The following HACE1 variants were observed in gnomAD, a reference collection of about 807,000 sequenced individuals.
The protein encoded by HACE1 is HECT domain and ankyrin repeat containing E3 ubiquitin protein ligase 1.
In HACE1, 73 loss-of-function variants were observed where a neutral mutation model predicts 118.4. That is an observed-to-expected ratio of 0.62 (90% CI 0.51 to 0.75). The LOEUF (loss-of-function observed/expected upper bound fraction) is 0.75. Among genes scored for constraint, HACE1 ranks in the 30% least tolerant of loss-of-function variants. The pLI, the probability that HACE1 is intolerant of heterozygous loss-of-function variation, is 0.00. For synonymous variants in HACE1, 368 were observed against 374.8 expected (o/e 0.98, Z 0.21); for missense variants, 749 against 1,102.2 (o/e 0.68, Z 4.54).
At chr6:104,801,082 A>G (rs1416371539) in intron 7 of HACE1, among the ~76,000 whole-genome samples, 2 of 152,202 alleles carry the variant, frequency 1.3e-5, no homozygotes. Flanking sequence ...ACAAGCTTCA[A>G]TAGCCGATTC....
At chr6:104,768,667 A>G (rs577125848) in intron 19 of HACE1, among the ~76,000 whole-genome samples, 13 of 152,274 alleles carry the variant, frequency 8.5e-5, no homozygotes, top group Admixed American at 2.0e-4. Flanking sequence ...AATGTATAAC[A>G]TTAATAATCA....
At chr6:104,775,250 C>T (rs1781105422) in intron 17 of HACE1, among the ~76,000 whole-genome samples, 1 of 151,976 alleles carries the variant, frequency 6.6e-6, no homozygotes, top group Non-Finnish European at 1.5e-5. Flanking sequence ...CTCAAGTGAT[C>T]CTCCCACCTC....
rs746644802 is a variant in HACE1 at position 104,776,735 on chromosome 6, A to G, written c.1864+6T>C. 2 of 1,544,556 alleles carry G rather than the reference A, an allele frequency of 1.3e-6. No homozygotes were observed. Among genetic ancestry groups the G allele is most frequent in the South Asian group, 2.2e-5 (2 of 89,722 alleles). The stretch of plus-strand genomic sequence containing the variant: ...CAGAAAAAGTCATCTAGACTGTACA[A>G]CTTACCATCAGCTGACTGGGTAAAC... On this transcript the variant is annotated splice_donor_region_variant and intron_variant, in intron 17 of 23. Transcript: ENST00000262903.
intron 10 of HACE1, among the ~76,000 whole-genome samples, chr6:104,792,468 T>A (rs559902633): frequency 1.3e-5 from 2 of 152,218 alleles, no homozygotes; most frequent in Non-Finnish European, 2.9e-5. Context: ...AATCTAATAA[T>A]ATATCTTTAA....
intron 5 of HACE1, among the ~76,000 whole-genome samples, chr6:104,834,058 C>T (rs1398419176): frequency 6.6e-6 from 1 of 152,028 alleles, no homozygotes; most frequent in East Asian, 1.9e-4. Flanking sequence ...GTGGGAGGAT[C>T]CCTTGAGCCC....
intron 16 of HACE1, 73 bp from the exon 17 acceptor site, chr6:104,776,901 A>G (rs1180320652): frequency 7.6e-7 from 1 of 1,319,518 alleles, no homozygotes; most frequent in African/African-American, 1.5e-5. Context: ...AAATAACAAA[A>G]TTTAAATATA....
At chr6:104,857,694 G>A (rs901360404) in intron 1 of HACE1, among the ~76,000 whole-genome samples, 41 of 150,932 alleles carry the variant, frequency 2.7e-4, no homozygotes, top group Admixed American at 1.6e-3. Flanking sequence ...GGTGGCTCAC[G>A]CCTGTAATCC....
At chr6:104,771,008 T>A (rs1780541490) in intron 19 of HACE1, among the ~76,000 whole-genome samples, 185 bp downstream of exon 19, 1 of 152,238 alleles carries the variant, frequency 6.6e-6, no homozygotes. Flanking sequence ...CTAGCACAAT[T>A]ATCAAAATAA....
chr6:104,771,832 C>A, intron 18 of HACE1, 93 bp downstream of exon 18: 1 of 860,018 alleles, frequency 1.2e-6, no homozygotes, highest in Non-Finnish European at 1.9e-6. Flanking sequence ...TAAAAATTAT[C>A]TCATCCAAAA....
At chr6:104,825,875 T>C (rs1773278960) in intron 6 of HACE1, among the ~76,000 whole-genome samples, 1 of 152,226 alleles carries the variant, frequency 6.6e-6, no homozygotes, top group South Asian at 2.1e-4. Context: ...CCTCCACCAG[T>C]TTCTTCCATC....
At chr6:104,826,543 T>C (rs1562459667) in intron 6 of HACE1, among the ~76,000 whole-genome samples, 1 of 152,318 alleles carries the variant, frequency 6.6e-6, no homozygotes, top group African/African-American at 2.4e-5. Flanking sequence ...AACCTAACAA[T>C]TGTGATTTAC....
At chr6:104,843,948 C>T (rs1775361381) in intron 4 of HACE1, among the ~76,000 whole-genome samples, 1 of 151,880 alleles carries the variant, frequency 6.6e-6, no homozygotes, top group African/African-American at 2.4e-5. Flanking sequence ...CATCTGCCTC[C>T]CGGGTTCAAG....
chr6:104,750,514 T>C (rs374654659), intron 19 of HACE1, 42 bp from the exon 20 acceptor site: 2 of 1,558,278 alleles, frequency 1.3e-6, no homozygotes, highest in African/African-American at 2.7e-5. Context: ...TCAAAAACCT[T>C]TTACATACTT....
intron 7 of HACE1, among the ~76,000 whole-genome samples, chr6:104,798,953 A>G (rs566312667): frequency 6.6e-6 from 1 of 152,198 alleles, no homozygotes; most frequent in South Asian, 2.1e-4. Context: ...CTTGTTCCAT[A>G]GCACCAAGCA....
intron 22 of HACE1, chr6:104,730,670 A>G (rs994575465): frequency 6.7e-6 from 3 of 447,216 alleles, no homozygotes; most frequent in Admixed American, 6.9e-5. Context: ...ATACCTCAAT[A>G]TTGCATTTAG....
chr6:104,749,365 C>CTTTTGAT (rs1777792953), intron 20 of HACE1, among the ~76,000 whole-genome samples: 2 of 152,030 alleles, frequency 1.3e-5, no homozygotes, highest in Non-Finnish European at 2.9e-5. Context: ...AACCTCAAAA[C>CTTTTGAT]TTACATTTAA....
intron 17 of HACE1, among the ~76,000 whole-genome samples, chr6:104,772,810 T>C (rs1780786655): frequency 6.6e-6 from 1 of 152,130 alleles, no homozygotes; most frequent in Non-Finnish European, 1.5e-5. Flanking sequence ...TAGGCAAATT[T>C]ATAGATAGGT....
intron 5 of HACE1, among the ~76,000 whole-genome samples, chr6:104,836,240 T>A (rs1229700450): frequency 6.6e-6 from 1 of 152,166 alleles, no homozygotes; most frequent in Non-Finnish European, 1.5e-5. Flanking sequence ...GAAGTCTCCG[T>A]AAGAGACTCC....
intron 22 of HACE1, 57 bp downstream of exon 22, chr6:104,744,103 C>A: frequency 1.0e-6 from 1 of 981,740 alleles, no homozygotes; most frequent in Non-Finnish European, 1.7e-6. Flanking sequence ...TATCTCTAAG[C>A]CATTAAAAGC....
Sources: allele counts gnomAD v4.1 joint callset (sites outside exome capture counted in the v4.1 genomes callset), GRCh38; gene constraint gnomAD v4.1.1; transcripts MANE v1.5; gene names NCBI Gene and HGNC (gene_info 2026-07-23, HGNC 2026-07-21).